The following VWA5A variants were observed in gnomAD, a reference collection of about 807,000 sequenced individuals.
The protein encoded by VWA5A is von Willebrand factor A domain-containing protein 5A.
Under a neutral mutation model 84.6 loss-of-function variants are expected in VWA5A, and 77 were observed. That is an observed-to-expected ratio of 0.91 (90% confidence interval 0.76 to 1.10). The LOEUF is 1.10. Ranked by LOEUF, VWA5A falls within the 50% of genes least tolerant of loss-of-function variation. The pLI, the probability that VWA5A is intolerant of heterozygous loss-of-function variation, is 0.00. For synonymous variants in VWA5A, 334 were observed against 350.1 expected (o/e 0.95, Z 0.51); for missense variants, 973 against 963.0 (o/e 1.01, Z -0.14).
intron 17 of VWA5A, 127 bp downstream of exon 17, chr11:124,142,699 T>C: frequency 1.0e-5 from 13 of 1,270,846 alleles, no homozygotes; most frequent in Non-Finnish European, 1.4e-5. Context: ...TAATTTGTAA[T>C]AAATAGAGGC....
At chr11:124,142,662 G>A (rs1050163101) in intron 17 of VWA5A, 90 bp downstream of exon 17, 2 of 1,520,954 alleles carry the variant, frequency 1.3e-6, no homozygotes, top group Non-Finnish European at 1.8e-6. Context: ...CCTGAGGAAG[G>A]AAAATATAGG....
At chr11:124,145,090 C>A in intron 17 of VWA5A, 147 bp from the exon 18 acceptor site, 1 of 982,004 alleles carries the variant, frequency 1.0e-6, no homozygotes, top group Non-Finnish European at 1.4e-6. Flanking sequence ...GGCATTATGC[C>A]TTGCAAGTAG....
rs771632981 is a variant in VWA5A, at chr11:124,141,750, C to T, written c.2023+9C>T. The T allele has an allele frequency of 2.3e-5, 37 of 1,611,796 alleles. No individual in the cohort carries two copies. In the East Asian group the frequency reaches 8.2e-4, roughly 36 times the overall value. On this transcript the variant is annotated intron_variant, in intron 16 of 18. Transcript: ENST00000456829. ...GGACCAGCACAGTCCAGGTGAGTAC[C>T]TTTATAGGAACATTTTCTCAACAAT...
Position 124,118,112 on chromosome 11 carries a change from G to A in VWA5A, c.247-77G>A, listed in dbSNP as rs1864865003. The A allele has an allele frequency of 1.7e-5, 25 of 1,483,554 alleles. No homozygotes were observed. The South Asian group carries it at 3.2e-4, about 19-fold the overall frequency. The allele number at this position is 1,483,554 out of a possible 1,614,324, so 91.9% of individuals were successfully genotyped here. ...ACAAGACCAATCACACAGTCGCTCT[G>A]CACTGCTCGTCTCTTTTTCAGCCAT... On this transcript the variant is annotated intron_variant, in intron 4 of 18. Coordinates refer to ENST00000456829, the MANE Select transcript of VWA5A (RefSeq NM_001130142.2).
At position 124,141,600 on chromosome 11, in the gene VWA5A, T is replaced by C; in HGVS notation, c.1882T>C (p.Phe628Leu). The change falls in exon 16 of 19, where the codon TTT (phenylalanine) becomes CTT (leucine). Residue 628 changes from phenylalanine to leucine, a missense_variant and splice_region_variant. Phe to Leu is a conservative substitution (Grantham distance 22, BLOSUM62 0). Coordinates refer to ENST00000456829, the MANE Select transcript of VWA5A (RefSeq NM_001130142.2). ...TCTTAATGTTTGGATTTTTTCAGGT[T>C]TTCGAAAGGCCTTACACTCTGACCG... ...APLKIKCQSG[F>L]RKALHSDRPP... 1 of 1,613,856 alleles carries C rather than the reference T, an allele frequency of 6.2e-7. No individual in the cohort carries two copies. Among genetic ancestry groups the C allele is most frequent in the East Asian group, 2.2e-5 (1 of 44,868 alleles).
rs773072370 is a variant in VWA5A, at chr11:124,145,301, A to G, written c.2219A>G (p.Asp740Gly). ...ATCTGGCTGCACAGCAATGGTAAGG[A>G]CTTGAAGTGTGAATGGGAGCTTCTG... is the stretch of plus-strand genomic sequence containing the variant. Reference protein sequence around the residue: ...AVIWLHSNGKDLKCEWELLER... With the variant: ...AVIWLHSNGKGLKCEWELLER... The change falls in exon 18 of 19, where the codon GAC (aspartate) becomes GGC (glycine). Residue 740 changes from aspartate (D) to glycine (G), a missense_variant. Coordinates refer to ENST00000456829, the MANE Select transcript of VWA5A (RefSeq NM_001130142.2). 1 of 1,613,820 alleles carries G rather than the reference A, an allele frequency of 6.2e-7. No individual in the cohort carries two copies. The highest frequency in any genetic ancestry group is 1.1e-5 in the South Asian group (1 of 91,064).
chr11:124,141,810 A>T, intron 16 of VWA5A, 69 bp downstream of exon 16: 4 of 1,549,830 alleles, frequency 2.6e-6, no homozygotes, highest in Non-Finnish European at 3.5e-6. Context: ...TAGGCAAGCT[A>T]AAAGCTTGTA....
chr11:124,138,284 ATTTCT>A (rs1860655422), intron 15 of VWA5A, among the ~76,000 whole-genome samples: 1 of 151,842 alleles, frequency 6.6e-6, no homozygotes, highest in African/African-American at 2.4e-5. Flanking sequence ...GATATTACTG[ATTTCT>A]TTTCTTTTGG....
chr11:124,123,566 G>A, intron 9 of VWA5A, 94 bp from the exon 10 acceptor site: 1 of 1,610,038 alleles, frequency 6.2e-7, no homozygotes, highest in Non-Finnish European at 8.5e-7. Flanking sequence ...TTTCGGATAA[G>A]ACTCTCTTTT....
Position 124,124,375 on chromosome 11 carries a change from G to A in VWA5A, c.1244+59G>A. 3 of 1,582,634 alleles carry A rather than the reference G, an allele frequency of 1.9e-6. No homozygotes were observed. In the South Asian group the frequency reaches 3.5e-5, roughly 19 times the overall value. The stretch of plus-strand genomic sequence containing the variant: ...GCTGAGTAGTGACACACAGACTCTA[G>A]TGCTACATGATGCCGGTGTTGACCT... On this transcript the variant is annotated intron_variant, in intron 11 of 18. Coordinates refer to ENST00000456829, the MANE Select transcript of VWA5A (RefSeq NM_001130142.2).
At chr11:124,136,096 T>C (rs772592539) in intron 12 of VWA5A, 33 bp from the exon 13 acceptor site, 37 of 1,602,550 alleles carry the variant, frequency 2.3e-5, no homozygotes, top group South Asian at 8.8e-5. Flanking sequence ...GTCTGTATCA[T>C]TTGTGTTTAT....
chr11:124,120,111 C>A (rs932029481), intron 7 of VWA5A, among the ~76,000 whole-genome samples: 1 of 152,138 alleles, frequency 6.6e-6, no homozygotes, highest in African/African-American at 2.4e-5. Flanking sequence ...CCATCACCAC[C>A]CTTCATCTCC....
Position 124,140,503 on chromosome 11 carries a change from G to A in VWA5A, c.1880-1095G>A, listed in dbSNP as rs1461887941. Among the ~76,000 whole-genome samples the A allele has an allele frequency of 2.6e-5, 4 of 151,924 alleles. No individual in the cohort carries two copies. In the East Asian group the frequency reaches 5.8e-4, roughly 22 times the overall value. On this transcript the variant is annotated intron_variant, in intron 15 of 18. Coordinates refer to ENST00000456829, the MANE Select transcript of VWA5A (RefSeq NM_001130142.2). The stretch of plus-strand genomic sequence containing the variant: ...TTTTGAGTCAGGATCTCACTCTGCT[G>A]CCCAGGTTGGAGTGCAGTAGTGTGA...
intron 15 of VWA5A, among the ~76,000 whole-genome samples, chr11:124,140,030 T>G (rs187958155): frequency 1.5e-3 from 232 of 152,346 alleles, no homozygotes; most frequent in African/African-American, 5.2e-3. Flanking sequence ...TAATACTTTT[T>G]CTGCATCTAT....
At chr11:124,117,994 G>A (rs1864862923) in intron 4 of VWA5A, 119 bp downstream of exon 4, 56 of 1,365,482 alleles carry the variant, frequency 4.1e-5, no homozygotes, top group Non-Finnish European at 5.6e-5. Flanking sequence ...GATGTTGAAA[G>A]CTCTTTCTTC....
chr11:124,128,334 A>T (rs1397998261), intron 11 of VWA5A, among the ~76,000 whole-genome samples: 5 of 152,066 alleles, frequency 3.3e-5, no homozygotes, highest in African/African-American at 4.8e-5. Context: ...GATGTGTGTC[A>T]TTATTTCTGA....
At position 124,142,434 on chromosome 11, in the gene VWA5A, C is replaced by T. The variant is rs1860747053; in HGVS notation, c.2024-8C>T. 2.5e-6 allele frequency: 4 copies of T among 1,613,786 alleles called. No homozygotes were observed. The highest frequency in any genetic ancestry group is 1.1e-5 in the South Asian group (1 of 91,030). On this transcript the variant is annotated splice_polypyrimidine_tract_variant and splice_region_variant and intron_variant, in intron 16 of 18. Coordinates refer to ENST00000456829, the MANE Select transcript of VWA5A (RefSeq NM_001130142.2). ...TTTCTCATTCTTCTCTTTTCTTTCT[C>T]CTCAAAGGCTTTGGAGAGAATCACC...
chr11:124,127,981 T>C (rs1176639552), intron 11 of VWA5A, among the ~76,000 whole-genome samples: 3 of 152,222 alleles, frequency 2.0e-5, no homozygotes, highest in African/African-American at 7.2e-5. Context: ...ACTGTAATGA[T>C]AGTTTCTTTT....
At chr11:124,140,354 T>C (rs1328068457) in intron 15 of VWA5A, among the ~76,000 whole-genome samples, 2 of 152,146 alleles carry the variant, frequency 1.3e-5, no homozygotes, top group African/African-American at 4.8e-5. Context: ...GGAAAAAAAG[T>C]AGAGAAGTCA....
Sources: gnomAD v4.1 joint callset for allele counts (sites outside exome capture counted in the v4.1 genomes callset) on GRCh38, gnomAD v4.1.1 for gene constraint, MANE v1.5 for transcripts, NCBI Gene and HGNC (gene_info 2026-07-23, HGNC 2026-07-21) for gene names.